Variants in AFG3L2 observed in about 807,000 individuals in gnomAD.
The protein encoded by AFG3L2 is mitochondrial inner membrane m-AAA protease component AFG3L2.
AFG3L2 carries 54 observed loss-of-function variants against 94.5 expected under a neutral mutation model. The ratio of observed to expected loss-of-function variants is 0.57; its 90% CI spans 0.46 to 0.72. The LOEUF is 0.72. AFG3L2 is among the 30% of genes least tolerant of loss of function. The pLI, the probability that AFG3L2 is intolerant of heterozygous loss-of-function variation, is 0.00. For synonymous variants in AFG3L2, 377 were observed against 365.5 expected, an observed-to-expected ratio of 1.03 and a Z score of -0.36; for missense variants, 754 against 994.9, an observed-to-expected ratio of 0.76 and a Z score of 3.26.
At chr18:12,354,084 C>T (rs979511985) in intron 9 of AFG3L2, among the ~76,000 whole-genome samples, 37 of 151,572 alleles carry the variant, frequency 2.4e-4, no homozygotes, top group African/African-American at 8.3e-4. Flanking sequence ...CATCAGTCAC[C>T]TGCCCCTTCA....
Position 12,329,790 on chromosome 18 carries a change from T to G in AFG3L2, c.2176-7A>C, listed in dbSNP as rs914045907. 5.6e-6 allele frequency: 9 copies of G among 1,605,026 alleles called. No homozygotes were observed. The highest frequency in any genetic ancestry group is 6.8e-6 in the Non-Finnish European group (8 of 1,171,912). Reference sequence around the variant, plus strand: ...CTAACAACAGAAGAGCAACCTGAAATATGAACAATTTTCATTAAATACAGT... The same window carrying G: ...CTAACAACAGAAGAGCAACCTGAAAGATGAACAATTTTCATTAAATACAGT... On this transcript the variant is annotated splice_polypyrimidine_tract_variant and splice_region_variant and intron_variant, in intron 16 of 16. Transcript: ENST00000269143.
chr18:12,337,620 G>C lies in AFG3L2; in HGVS notation c.1981-85C>G, dbSNP rs1907794202. On this transcript the variant is annotated intron_variant, in intron 15 of 16. Coordinates refer to ENST00000269143, the MANE Select transcript of AFG3L2 (RefSeq NM_006796.3). ...ACACAGCAGCCTGGAGCCGGCTAAA[G>C]TGCACAAAGGTGCTCTGTGTAGCCA... 3 of 1,229,230 alleles carry C rather than the reference G, an allele frequency of 2.4e-6. No individual in the cohort carries two copies. In the Middle Eastern group the frequency reaches 5.6e-4, roughly 229 times the overall value. 76.1% of individuals were successfully genotyped at this position (1,229,230 alleles called of 1,614,324 possible).
At chr18:12,338,357 G>A (rs947263804) in intron 15 of AFG3L2, among the ~76,000 whole-genome samples, 32 of 152,160 alleles carry the variant, frequency 2.1e-4, no homozygotes, top group Non-Finnish European at 2.9e-4. Flanking sequence ...TGCCACTCAC[G>A]CTGAGAACAT....
At chr18:12,334,412 G>C (rs1340377455) in intron 16 of AFG3L2, among the ~76,000 whole-genome samples, 1 of 152,160 alleles carries the variant, frequency 6.6e-6, no homozygotes, top group Non-Finnish European at 1.5e-5. Flanking sequence ...GCCTCACAGA[G>C]GGCTCATCTG....
chr18:12,372,994 T>C lies in AFG3L2; in HGVS notation c.115-1303A>G, dbSNP rs114385544. ...TGGTTGCATAACTTTATGAATATGT[T>C]AAAAACCAATGAACTGTACATTTAA... On this transcript the variant is annotated intron_variant, in intron 1 of 16. Coordinates refer to ENST00000269143, the MANE Select transcript of AFG3L2 (RefSeq NM_006796.3). 3.1e-3 allele frequency among the ~76,000 whole-genome samples: 466 copies of C among 152,320 alleles called. 6 individuals are homozygous for C. The highest frequency in any genetic ancestry group is 0.01 in the African/African-American group (418 of 41,566).
chr18:12,351,539 A>G (rs1337598732), intron 10 of AFG3L2, 126 bp from the exon 11 acceptor site: 3 of 818,244 alleles, frequency 3.7e-6, no homozygotes, highest in African/African-American at 1.7e-5. Flanking sequence ...TTCATTATCT[A>G]GTGTTTTTTG....
rs1440480207 is a variant in AFG3L2 at position 12,371,687 on chromosome 18, T to C, written c.119A>G (p.Tyr40Cys). Residue 40 changes from tyrosine to cysteine, a missense_variant, in exon 2 of 17, where the codon TAC (tyrosine) becomes TGC (cysteine). Around this residue, in one of 4 missense-constraint regions of AFG3L2, gnomAD observed 236 missense variants for 214.0 expected, o/e 1.10. Coordinates refer to ENST00000269143, the MANE Select transcript of AFG3L2 (RefSeq NM_006796.3). ...PGEQPCLRTL[Y>C]RFVTTQARAS... is the part of the protein sequence containing the mutation. ...CCTTGCTTGAGTTGTAACAAATCGGTAAAGCTGCAACAAGACATAAAAATA... is the reference window on the plus strand; with the variant it reads ...CCTTGCTTGAGTTGTAACAAATCGGCAAAGCTGCAACAAGACATAAAAATA... 6.2e-7 allele frequency: 1 copy of C among 1,613,496 alleles called. No individual in the cohort carries two copies.
intron 13 of AFG3L2, among the ~76,000 whole-genome samples, chr18:12,345,248 C>T (rs1203108885): frequency 1.3e-5 from 2 of 152,264 alleles, no homozygotes; most frequent in Non-Finnish European, 2.9e-5. Flanking sequence ...CCTGCGTCCA[C>T]CACAGTGCTG....
At position 12,373,530 on chromosome 18, in the gene AFG3L2, G is replaced by A. The variant is rs201299770; in HGVS notation, c.115-1839C>T. ...AGTGGTGCAGAGGTAATATGAAGGG[G>A]TCTTTATATTGCCACGTCTTAGTCT... On this transcript the variant is annotated intron_variant, in intron 1 of 16. Transcript: ENST00000269143. Among the ~76,000 whole-genome samples, 16 of 152,268 alleles carry A rather than the reference G, an allele frequency of 1.1e-4. No individual in the cohort carries two copies. In the East Asian group the frequency reaches 3.1e-3, roughly 29 times the overall value.
intron 16 of AFG3L2, among the ~76,000 whole-genome samples, chr18:12,336,180 C>G (rs1907735961): frequency 6.6e-6 from 1 of 152,230 alleles, no homozygotes; most frequent in Admixed American, 6.5e-5. Flanking sequence ...TAAGAGGAGA[C>G]TGCATTCTAC....
rs562544252 is a variant in AFG3L2, at chr18:12,329,764, T to C, written c.2195A>G (p.Glu732Gly). 140 of 1,614,044 alleles carry C rather than the reference T, an allele frequency of 8.7e-5. 5 individuals carry two copies. In the South Asian group the frequency reaches 1.5e-3, roughly 17 times the overall value. The change falls in exon 17 of 17, where the codon GAA (glutamate) becomes GGA (glycine). Residue 732 changes from glutamate to glycine, a missense_variant. Physicochemically the swap from Glu to Gly is moderately conservative, Grantham distance 98. This residue lies in a region of AFG3L2 where 279 missense variants were observed against 378.6 expected (regional missense o/e 0.74). Coordinates refer to ENST00000269143, the MANE Select transcript of AFG3L2 (RefSeq NM_006796.3). ...ATCATTCTTATCTAATACTTCTTTTTCTAACAACAGAAGAGCAACCTGAAA... is the reference window on the plus strand; with the variant it reads ...ATCATTCTTATCTAATACTTCTTTTCCTAACAACAGAAGAGCAACCTGAAA... ...DVEKVALLLLEKEVLDKNDMV... is the reference protein window; with the variant it reads ...DVEKVALLLLGKEVLDKNDMV...
rs1908731363 is a variant in AFG3L2 at position 12,363,857 on chromosome 18, C to G, written c.553-1G>C. The G allele has an allele frequency of 6.2e-7, 1 of 1,610,856 alleles. No individual in the cohort carries two copies. Among genetic ancestry groups the G allele is most frequent in the African/African-American group, 1.3e-5 (1 of 74,838 alleles). ...TGTTGACGACTTCCAATCTGTCTAC[C>G]TAGAATTTTAAAAATAAATTCACAC... On this transcript the variant is annotated splice_acceptor_variant, in intron 5 of 16. Coordinates refer to ENST00000269143, the MANE Select transcript of AFG3L2 (RefSeq NM_006796.3). LOFTEE classifies it high-confidence loss of function.
At chr18:12,361,741 A>G (rs1348255989) in intron 6 of AFG3L2, among the ~76,000 whole-genome samples, 2 of 152,252 alleles carry the variant, frequency 1.3e-5, no homozygotes. Flanking sequence ...TTACTTTGGT[A>G]TTTCTCTCCA....
rs755539519 is a variant in AFG3L2, at chr18:12,329,535, G to C, written c.*30C>G. The C allele has an allele frequency of 6.3e-7, 1 of 1,599,642 alleles. No homozygotes were observed. Among genetic ancestry groups the C allele is most frequent in the South Asian group, 1.1e-5 (1 of 90,768 alleles). ...TAATGCACCAGCTGAAACCACAGTG[G>C]ACAGACTGAGATGGCCTCCCTCTGG... On this transcript the variant is annotated 3_prime_UTR_variant, in exon 17 of 17. Transcript: ENST00000269143.
intron 12 of AFG3L2, among the ~76,000 whole-genome samples, chr18:12,350,630 T>C (rs1908285676): frequency 6.6e-6 from 1 of 152,194 alleles, no homozygotes; most frequent in Middle Eastern, 3.2e-3. Flanking sequence ...AATCTGTGTA[T>C]GTTTGAAATT....
intron 16 of AFG3L2, 193 bp downstream of exon 16, chr18:12,337,148 T>A: frequency 1.6e-6 from 1 of 643,814 alleles, no homozygotes; most frequent in East Asian, 2.7e-5. Flanking sequence ...CGGGACAGTG[T>A]CAACTTCTGC....
chr18:12,351,472 C>T (rs574474685), intron 10 of AFG3L2, 59 bp from the exon 11 acceptor site: 1 of 1,433,310 alleles, frequency 7.0e-7, no homozygotes, highest in Non-Finnish European at 9.8e-7. Context: ...AGCAACAGTG[C>T]ACCATCAGGA....
At position 12,353,078 on chromosome 18, in the gene AFG3L2, C is replaced by T. The variant is rs777760292; in HGVS notation, c.1245G>A (p.Lys415=). 20 of 1,614,172 alleles carry T rather than the reference C, an allele frequency of 1.2e-5. No homozygotes were observed. The East Asian group carries it at 3.1e-4, about 25-fold the overall frequency. ...FIDEIDAVGR[K]RGRGNFGGQS... is the part of the protein sequence containing the mutation. ...GCCCTCCAAAGTTGCCTCTTCCTCT[C>T]TTCCTTCCCACCGCATCGATTTCAT... The change falls in exon 10 of 17, where the codon AAG becomes AAA. Residue 415 remains lysine, a synonymous_variant. Transcript: ENST00000269143.
chr18:12,358,868 A>G lies in AFG3L2; in HGVS notation c.828T>C (p.Ala276=). The G allele has an allele frequency of 6.2e-7, 1 of 1,614,252 alleles. No individual in the cohort carries two copies. ...FLLYTIRRGP[A]GIGRTGRGMG... ...TCCCTCGGCCTGTCCGGCCAATGCCAGCAGGCCCTCTTCTGATGGTGTAGA... is the reference window on the plus strand; with the variant it reads ...TCCCTCGGCCTGTCCGGCCAATGCCGGCAGGCCCTCTTCTGATGGTGTAGA... Residue 276 remains alanine (A), a synonymous_variant, in exon 8 of 17, where the codon GCT becomes GCC. Coordinates refer to ENST00000269143, the MANE Select transcript of AFG3L2 (RefSeq NM_006796.3).
Sources: allele counts gnomAD v4.1 joint callset (sites outside exome capture counted in the v4.1 genomes callset), GRCh38; gene constraint gnomAD v4.1.1; regional missense constraint gnomAD v4.1.1; transcripts MANE v1.5; gene names NCBI Gene and HGNC (gene_info 2026-07-23, HGNC 2026-07-21).